Variants in RTTN observed in about 807,000 individuals in gnomAD.
The protein encoded by RTTN is rotatin.
RTTN carries 182 observed loss-of-function variants against 269.2 expected under a neutral mutation model. That is an observed-to-expected ratio of 0.68 (90% CI 0.60 to 0.76). RTTN has a LOEUF of 0.76. Among genes scored for constraint, RTTN ranks in the 30% least tolerant of loss-of-function variants. The pLI, the probability that RTTN is intolerant of heterozygous loss-of-function variation, is 0.00. For synonymous variants in RTTN, 1,006 were observed against 963.5 expected (o/e 1.04, Z -0.82); for missense variants, 2,545 against 2,608.6 (o/e 0.98, Z 0.53).
At chr18:70,183,115 T>C (rs938881114) in intron 10 of RTTN, among the ~76,000 whole-genome samples, 3 of 152,210 alleles carry the variant, frequency 2.0e-5, no homozygotes, top group African/African-American at 4.8e-5. Context: ...CATAGTGTCA[T>C]TGCAGGACTG....
At chr18:70,205,352 AC>A (rs1457892717) in intron 1 of RTTN, 37 bp from the exon 2 acceptor site, 2 of 1,609,238 alleles carry the variant, frequency 1.2e-6, no homozygotes, top group African/African-American at 2.7e-5. Flanking sequence ...TTATTTCCCG[AC>A]TGCAAAGAGA....
At chr18:70,151,337 C>CT in intron 14 of RTTN, among the ~76,000 whole-genome samples, 1 of 150,984 alleles carries the variant, frequency 6.6e-6, no homozygotes, top group Admixed American at 6.6e-5. Context: ...CTTAGAGTAA[C>CT]TATCAGGAAT....
chr18:70,099,841 C>T (rs181239557), intron 28 of RTTN, among the ~76,000 whole-genome samples: 11 of 152,324 alleles, frequency 7.2e-5, no homozygotes, highest in Admixed American at 1.3e-4. Flanking sequence ...ATACGGAATG[C>T]TTTCCCCATT....
chr18:70,054,430 A>G (rs1030349458), intron 37 of RTTN, 146 bp from the exon 38 acceptor site: 6 of 739,460 alleles, frequency 8.1e-6, no homozygotes, highest in Non-Finnish European at 1.3e-5. Flanking sequence ...TAGCAGACAA[A>G]GCATTATTTT....
rs553127741 is a variant in RTTN at position 70,173,914 on chromosome 18, T to C, written c.1476+2761A>G. The stretch of plus-strand genomic sequence containing the variant: ...CTCAAGAAGGAGTTGAGAGAGTACA[T>C]ACTTTATAATTTCATTTAAACAACA... On this transcript the variant is annotated intron_variant, in intron 11 of 48. Transcript: ENST00000640769. Among the ~76,000 whole-genome samples, 3 of 152,348 alleles carry C rather than the reference T, an allele frequency of 2.0e-5. No individual in the cohort carries two copies. The South Asian group carries it at 6.2e-4, about 32-fold the overall frequency.
At chr18:70,109,972 G>A (rs1160236070) in intron 27 of RTTN, among the ~76,000 whole-genome samples, 2 of 152,126 alleles carry the variant, frequency 1.3e-5, no homozygotes, top group Non-Finnish European at 2.9e-5. Flanking sequence ...TAATCCCAGT[G>A]CCTTGGGAGC....
In RTTN at chr18:70,109,826, T is replaced by C. The variant is rs76378532; in HGVS notation, c.3684-109A>G. ...TTAAACTCATAGTAATAGAAAAAAA[T>C]GAACCAGACAAAATGGCAGAAAATA... On this transcript the variant is annotated intron_variant, in intron 27 of 48. Coordinates refer to ENST00000640769, the MANE Select transcript of RTTN (RefSeq NM_173630.4). The C allele has an allele frequency of 5.7e-3, 4,626 of 811,990 alleles. 142 individuals carry two copies. The African/African-American group carries it at 0.068, about 12-fold the overall frequency. The allele number at this position is 811,990 out of a possible 1,614,324, so 50.3% of individuals were successfully genotyped here. A position where few individuals can be genotyped will look rare whatever the true frequency, so the allele number is the denominator to read the frequency against.
chr18:70,184,111 T>A (rs938369006), intron 10 of RTTN, among the ~76,000 whole-genome samples: 2 of 152,044 alleles, frequency 1.3e-5, no homozygotes, highest in Non-Finnish European at 2.9e-5. Flanking sequence ...ATTGAAAAGG[T>A]CCAGCATCCA....
intron 8 of RTTN, among the ~76,000 whole-genome samples, chr18:70,191,147 T>C (rs980754516): frequency 1.3e-5 from 2 of 150,434 alleles, no homozygotes; most frequent in Admixed American, 1.3e-4. Context: ...TGAGCTGAGA[T>C]AGCGACACTG....
At chr18:70,143,783 T>C (rs1229607655) in intron 18 of RTTN, among the ~76,000 whole-genome samples, 1 of 151,836 alleles carries the variant, frequency 6.6e-6, no homozygotes, top group African/African-American at 2.4e-5. Flanking sequence ...AAATAAAATT[T>C]GCAACAATGA....
chr18:70,086,713 AAAAAAAAAAAAAAAAAAAAAG>A, intron 31 of RTTN, 29 bp from the exon 32 acceptor site: 2 of 1,358,930 alleles, frequency 1.5e-6, no homozygotes, highest in Admixed American at 2.3e-5. Context: ...AAAAAAAAAA[AAAAAAAAAAAAAAAAAAAAAG>A]GTCAATACTG....
At position 70,204,105 on chromosome 18, in the gene RTTN, T is replaced by C. The variant is rs921683668; in HGVS notation, c.378A>G (p.Ser126=). 1.2e-6 allele frequency: 2 copies of C among 1,611,944 alleles called. No homozygotes were observed. Among genetic ancestry groups the C allele is most frequent in the African/African-American group, 1.3e-5 (1 of 74,818 alleles). ...AGTTACCAGTTTGATTGGTTTGGTA[T>C]GAGGCAGAAGATAGTGCAGGAACTT... ...PSEVPALSSA[S]YQTNQTELSK... Residue 126 remains serine (S), a synonymous_variant, in exon 3 of 49, where the codon TCA becomes TCG. Transcript: ENST00000640769.
intron 14 of RTTN, among the ~76,000 whole-genome samples, chr18:70,152,747 C>T (rs2060571281): frequency 6.6e-6 from 1 of 152,074 alleles, no homozygotes; most frequent in Admixed American, 6.6e-5. Context: ...AAATTCATTT[C>T]CTTCTCTTCA....
chr18:70,096,912 A>G (rs142933502), intron 28 of RTTN, among the ~76,000 whole-genome samples: 1 of 152,230 alleles, frequency 6.6e-6, no homozygotes, highest in Admixed American at 6.5e-5. Context: ...CCCTTCCCCA[A>G]GGTCAAAAAT....
chr18:70,018,992 G>A (rs754739925), intron 45 of RTTN, among the ~76,000 whole-genome samples: 1 of 151,918 alleles, frequency 6.6e-6, no homozygotes, highest in Non-Finnish European at 1.5e-5. Flanking sequence ...CATTTTCTAT[G>A]TCCTACAGAT....
At chr18:70,020,510 G>T in intron 45 of RTTN, 105 bp downstream of exon 45, 2 of 1,096,126 alleles carry the variant, frequency 1.8e-6, no homozygotes, top group Non-Finnish European at 2.6e-6. Flanking sequence ...AAAATAAAAT[G>T]CCTCAAAATC....
intron 26 of RTTN, among the ~76,000 whole-genome samples, chr18:70,119,499 A>C (rs577724680): frequency 2.6e-5 from 4 of 152,152 alleles, no homozygotes; most frequent in African/African-American, 9.6e-5. Flanking sequence ...GGAAGGGAGG[A>C]AAAGAAAGGA....
rs1439505175 is a variant in RTTN, at chr18:70,127,942, A to G, written c.3144-201T>C. 3 of 561,196 alleles carry G rather than the reference A, an allele frequency of 5.3e-6. No individual in the cohort carries two copies. In the African/African-American group the frequency reaches 5.6e-5, roughly 11 times the overall value. The allele number at this position is 561,196 out of a possible 1,614,324, so 34.8% of individuals were successfully genotyped here. A position where few individuals can be genotyped will look rare whatever the true frequency, so the allele number is the denominator to read the frequency against. On this transcript the variant is annotated intron_variant, in intron 24 of 48. Coordinates refer to ENST00000640769, the MANE Select transcript of RTTN (RefSeq NM_173630.4). ...ATTGGCATCCCAAATGTTTATATTGACTTTTCCTCCTTATAAAAATTTTTA... is the reference window on the plus strand; with the variant it reads ...ATTGGCATCCCAAATGTTTATATTGGCTTTTCCTCCTTATAAAAATTTTTA...
intron 20 of RTTN, 66 bp from the exon 21 acceptor site, chr18:70,139,782 T>C: frequency 3.3e-6 from 3 of 908,194 alleles, no homozygotes; most frequent in East Asian, 2.4e-5. Context: ...AAACAGACCA[T>C]AATATTATCT....
Sources: allele counts gnomAD v4.1 joint callset (sites outside exome capture counted in the v4.1 genomes callset), GRCh38; gene constraint gnomAD v4.1.1; transcripts MANE v1.5; gene names NCBI Gene and HGNC (gene_info 2026-07-23, HGNC 2026-07-21).